Variants in KCNT2 observed in about 807,000 individuals in gnomAD.
KCNT2 encodes potassium channel subfamily T member 2.
In KCNT2, 67 loss-of-function variants were observed where a neutral mutation model predicts 153.8. The ratio of observed to expected loss-of-function variants is 0.44; its 90% confidence interval spans 0.36 to 0.53. The LOEUF is 0.53. KCNT2 is among the 20% of genes least tolerant of loss of function. KCNT2 has a pLI of 0.00. For synonymous variants in KCNT2, 500 were observed against 458.8 expected (o/e 1.09, Z -1.15); for missense variants, 975 against 1,354.8 (o/e 0.72, Z 4.40).
rs966932247 is a variant in KCNT2, at chr1:196,404,142, G to T, written c.1186-5471C>A. 95 of 981,266 alleles carry T rather than the reference G, an allele frequency of 9.7e-5. No individual in the cohort carries two copies. The Admixed American group carries it at 1.9e-3, about 19-fold the overall frequency. The allele number at this position is 981,266 out of a possible 1,614,324, so 60.8% of individuals were successfully genotyped here. A position where few individuals can be genotyped will look rare whatever the true frequency, so the allele number is the denominator to read the frequency against. ...CTCTGTCTCACTTACCTTGCATTTA[G>T]TGAGTTCTCAAATCTTGTTGATTAT... On this transcript the variant is annotated intron_variant, in intron 12 of 27. Coordinates refer to ENST00000294725, the MANE Select transcript of KCNT2 (RefSeq NM_198503.5).
chr1:196,499,949 G>A (rs1189265371), intron 1 of KCNT2, among the ~76,000 whole-genome samples: 2 of 151,918 alleles, frequency 1.3e-5, no homozygotes, highest in East Asian at 3.9e-4. Flanking sequence ...TTCTAGACCA[G>A]CCTGGCTAAA....
At chr1:196,452,149 G>A (rs547767584) in intron 8 of KCNT2, among the ~76,000 whole-genome samples, 12 of 151,884 alleles carry the variant, frequency 7.9e-5, no homozygotes, top group African/African-American at 1.7e-4. Context: ...ACAAGTGCAC[G>A]ACTAAAGTCA....
chr1:196,246,968 C>A (rs2102281177), intron 26 of KCNT2, among the ~76,000 whole-genome samples: 1 of 151,774 alleles, frequency 6.6e-6, no homozygotes, highest in Non-Finnish European at 1.5e-5. Flanking sequence ...TTGACTAAAC[C>A]CTCCCAATCA....
intron 14 of KCNT2, among the ~76,000 whole-genome samples, chr1:196,357,456 T>A (rs1257370502): frequency 6.6e-6 from 1 of 152,004 alleles, no homozygotes; most frequent in Non-Finnish European, 1.5e-5. Context: ...CCATTTGATA[T>A]GTTGTTTTTA....
At chr1:196,448,293 G>C (rs1675866982) in intron 8 of KCNT2, among the ~76,000 whole-genome samples, 1 of 151,646 alleles carries the variant, frequency 6.6e-6, no homozygotes, top group African/African-American at 2.4e-5. Flanking sequence ...GATAATGCAA[G>C]CAAAACTCTA....
chr1:196,389,360 T>G (rs922634015), intron 13 of KCNT2, among the ~76,000 whole-genome samples: 5 of 151,118 alleles, frequency 3.3e-5, no homozygotes, highest in African/African-American at 1.2e-4. Flanking sequence ...TCACTATAAA[T>G]TTTTTTTTCT....
At chr1:196,533,866 G>C (rs909343229) in intron 1 of KCNT2, among the ~76,000 whole-genome samples, 3 of 152,100 alleles carry the variant, frequency 2.0e-5, no homozygotes, top group Non-Finnish European at 4.4e-5. Context: ...GAAAATCCAT[G>C]ACACTAAAGA....
intron 8 of KCNT2, among the ~76,000 whole-genome samples, chr1:196,461,418 A>G (rs532245852): frequency 6.6e-6 from 1 of 151,916 alleles, no homozygotes; most frequent in South Asian, 2.1e-4. Context: ...AAATCAGTTA[A>G]CATAATATAG....
At chr1:196,554,170 G>A (rs936468535) in intron 1 of KCNT2, among the ~76,000 whole-genome samples, 1 of 150,954 alleles carries the variant, frequency 6.6e-6, no homozygotes, top group Non-Finnish European at 1.5e-5. Context: ...AAAGATCAGA[G>A]CAGAAATAAA....
chr1:196,396,366 A>T (rs1670936234), intron 13 of KCNT2, among the ~76,000 whole-genome samples: 1 of 151,616 alleles, frequency 6.6e-6, no homozygotes, highest in South Asian at 2.1e-4. Context: ...AATAGATTTC[A>T]CCTCTTCATG....
intron 12 of KCNT2, among the ~76,000 whole-genome samples, chr1:196,410,876 T>G (rs1452737603): frequency 6.6e-5 from 10 of 151,656 alleles, no homozygotes; most frequent in Admixed American, 5.9e-4. Flanking sequence ...GGATGTAAGA[T>G]CCCAATGTCT....
At chr1:196,430,550 C>T (rs1042029857) in intron 8 of KCNT2, among the ~76,000 whole-genome samples, 5 of 152,002 alleles carry the variant, frequency 3.3e-5, no homozygotes, top group East Asian at 1.9e-4. Context: ...AGCCTCCAAA[C>T]GCAATATAAG....
At chr1:196,397,761 A>T (rs1038782632) in intron 13 of KCNT2, among the ~76,000 whole-genome samples, 15 of 151,650 alleles carry the variant, frequency 9.9e-5, no homozygotes, top group Admixed American at 7.3e-4. Context: ...GAATTTTAAG[A>T]TATGTAAACA....
intron 12 of KCNT2, among the ~76,000 whole-genome samples, chr1:196,417,225 G>A (rs1454582758): frequency 6.6e-6 from 1 of 152,064 alleles, no homozygotes; most frequent in African/African-American, 2.4e-5. Context: ...CAGTTCAACT[G>A]CAAATTTACC....
At chr1:196,427,295 C>T (rs1322536421) in intron 10 of KCNT2, among the ~76,000 whole-genome samples, 1 of 151,784 alleles carries the variant, frequency 6.6e-6, no homozygotes, top group South Asian at 2.1e-4. Flanking sequence ...TTTTAAAACA[C>T]AAAAATATAG....
Position 196,447,195 on chromosome 1 carries a change from A to G in KCNT2, c.639-17438T>C, listed in dbSNP as rs542316976. 3.3e-5 allele frequency among the ~76,000 whole-genome samples: 5 copies of G among 151,694 alleles called. No individual in the cohort carries two copies. In the South Asian group the frequency reaches 1.0e-3, roughly 31 times the overall value. On this transcript the variant is annotated intron_variant, in intron 8 of 27. Transcript: ENST00000294725. ...AGAACATATTTTATGTTATCAAAAGAAAAAAACTGTGATACAAGCAAATGA... is the reference window on the plus strand; with the variant it reads ...AGAACATATTTTATGTTATCAAAAGGAAAAAACTGTGATACAAGCAAATGA...
chr1:196,407,473 A>G (rs1671923389), intron 12 of KCNT2, among the ~76,000 whole-genome samples: 1 of 151,502 alleles, frequency 6.6e-6, no homozygotes, highest in Non-Finnish European at 1.5e-5. Context: ...ATTTTTGAAA[A>G]CAAGTCACTA....
intron 26 of KCNT2, among the ~76,000 whole-genome samples, chr1:196,245,579 C>T (rs1655367197): frequency 6.6e-6 from 1 of 152,116 alleles, no homozygotes; most frequent in African/African-American, 2.4e-5. Context: ...ATGGATTATT[C>T]AACATAGCTG....
chr1:196,277,491 G>T (rs969856277), intron 25 of KCNT2, among the ~76,000 whole-genome samples: 8 of 151,984 alleles, frequency 5.3e-5, no homozygotes, highest in Admixed American at 5.3e-4. Context: ...CTCTTTCCGG[G>T]GTCCAGAGGC....
Sources: allele counts gnomAD v4.1 joint callset (sites outside exome capture counted in the v4.1 genomes callset), GRCh38; gene constraint gnomAD v4.1.1; transcripts MANE v1.5; gene names NCBI Gene and HGNC (gene_info 2026-07-23, HGNC 2026-07-21).